Variants in GRB10 observed in about 807,000 individuals in gnomAD.
The protein encoded by GRB10 is growth factor receptor bound protein 10.
In GRB10, 20 loss-of-function variants were observed where a neutral mutation model predicts 80.9. The ratio of observed to expected loss-of-function variants is 0.25; its 90% confidence interval spans 0.17 to 0.36. The LOEUF (loss-of-function observed/expected upper bound fraction) is 0.36, where lower values mean the gene tolerates loss of function less well. Among genes scored for constraint, GRB10 ranks in the 10% least tolerant of loss-of-function variants. The pLI, the probability that GRB10 is intolerant of heterozygous loss-of-function variation, is 1.00. For missense variants in GRB10, 548 were observed against 747.7 expected (o/e 0.73, Z 3.12); for synonymous variants, 291 against 291.5 (o/e 1.00, Z 0.02).
At chr7:50,764,157 T>TG (rs141268667) in intron 2 of GRB10, among the ~76,000 whole-genome samples, 15,120 of 152,280 alleles carry the variant, frequency 0.099, 2,526 homozygotes, top group African/African-American at 0.34. Flanking sequence ...CTTCCCCTGC[T>TG]GGTAGCCTCC....
chr7:50,747,591 T>G (rs1212843182), intron 3 of GRB10: 1 of 152,170 alleles, frequency 6.6e-6, no homozygotes, highest in African/African-American at 2.4e-5. Context: ...CGCTCACTGT[T>G]GAGGGCTCTG....
intron 5 of GRB10, among the ~76,000 whole-genome samples, chr7:50,698,628 A>G (rs1024565061): frequency 6.6e-6 from 1 of 151,986 alleles, no homozygotes; most frequent in African/African-American, 2.4e-5. Flanking sequence ...TCCTTATGGG[A>G]TATCTATTCT....
intron 7 of GRB10, among the ~76,000 whole-genome samples, chr7:50,652,578 G>C (rs1191411373): frequency 1.3e-5 from 2 of 152,142 alleles, no homozygotes; most frequent in African/African-American, 2.4e-5. Flanking sequence ...CAGAGAAAGA[G>C]ACAAGCCACA....
intron 4 of GRB10, among the ~76,000 whole-genome samples, chr7:50,706,521 G>T (rs906665435): frequency 4.6e-5 from 7 of 152,104 alleles, no homozygotes; most frequent in African/African-American, 1.7e-4. Context: ...GGAGGCAACC[G>T]CCTGTTTCAT....
intron 2 of GRB10, among the ~76,000 whole-genome samples, chr7:50,767,360 A>G (rs879301740): frequency 2.6e-5 from 4 of 152,222 alleles, no homozygotes; most frequent in Non-Finnish European, 5.9e-5. Flanking sequence ...GGACACCTTA[A>G]GAGTACACTT....
At chr7:50,750,413 C>T (rs1250951546) in intron 3 of GRB10, among the ~76,000 whole-genome samples, 1 of 152,138 alleles carries the variant, frequency 6.6e-6, no homozygotes. Flanking sequence ...TTTCCTGCAC[C>T]GTTTCTTGTC....
At chr7:50,729,704 T>C (rs190612990) in intron 4 of GRB10, among the ~76,000 whole-genome samples, 30 of 152,188 alleles carry the variant, frequency 2.0e-4, no homozygotes, top group Admixed American at 2.0e-3. Flanking sequence ...CAATGAGCTA[T>C]AGGACCCTAC....
intron 13 of GRB10, among the ~76,000 whole-genome samples, chr7:50,607,233 G>C (rs889867380): frequency 5.9e-5 from 9 of 152,222 alleles, no homozygotes; most frequent in Non-Finnish European, 1.2e-4. Context: ...ATGCAGTTCT[G>C]AGGTAATCCG....
intron 6 of GRB10, among the ~76,000 whole-genome samples, chr7:50,674,229 G>C (rs1286922905): frequency 2.6e-5 from 4 of 152,174 alleles, no homozygotes; most frequent in African/African-American, 9.7e-5. Flanking sequence ...GGTACTACTG[G>C]AATTGAACTG....
chr7:50,726,134 CT>C (rs1337692782), intron 4 of GRB10: 1 of 152,248 alleles, frequency 6.6e-6, no homozygotes, highest in Non-Finnish European at 1.5e-5. Flanking sequence ...TGGCTCACCC[CT>C]ATCTATAATC....
At chr7:50,751,896 C>G (rs375025996) in intron 3 of GRB10, among the ~76,000 whole-genome samples, 2 of 152,190 alleles carry the variant, frequency 1.3e-5, no homozygotes, top group African/African-American at 4.8e-5. Flanking sequence ...AGGGGAAATA[C>G]AGAGTTAGGT....
intron 4 of GRB10, among the ~76,000 whole-genome samples, chr7:50,719,856 G>GT (rs74497044): frequency 4.4e-4 from 65 of 147,472 alleles, no homozygotes; most frequent in South Asian, 8.6e-4. Flanking sequence ...CCTTTTATAG[G>GT]TTTTTTTTTT....
rs1261997987 is a variant in GRB10 at position 50,595,357 on chromosome 7, G to A, written c.1638+80C>T. On this transcript the variant is annotated intron_variant, in intron 18 of 18. Transcript: ENST00000401949. Reference sequence around the variant, plus strand: ...CTGTCTGATACTTACCGGTCTTGTCGGTTTATAACTTGAAAATTGCATTAA... The same window carrying A: ...CTGTCTGATACTTACCGGTCTTGTCAGTTTATAACTTGAAAATTGCATTAA... The A allele has an allele frequency of 5.7e-5, 47 of 819,526 alleles. 1 individual carries two copies. In the East Asian group the frequency reaches 9.8e-4, roughly 17 times the overall value. 50.8% of individuals were successfully genotyped at this position (819,526 alleles called of 1,614,324 possible). A position where few individuals can be genotyped will look rare whatever the true frequency, so the allele number is the denominator to read the frequency against.
rs1305513693 is a variant in GRB10 at position 50,775,174 on chromosome 7, C to CAAAAAAAAAA, written c.-217+5452_-217+5453insTTTTTTTTTT. 4.2e-5 allele frequency among the ~76,000 whole-genome samples: 3 copies of CAAAAAAAAAA among 71,450 alleles called. 1 individual carries two copies. The highest frequency in any genetic ancestry group is 8.2e-5 in the Non-Finnish European group (3 of 36,566). The allele number at this position is 71,450 out of a possible 152,430, so 46.9% of individuals were successfully genotyped here. A position where few individuals can be genotyped will look rare whatever the true frequency, so the allele number is the denominator to read the frequency against. On this transcript the variant is annotated intron_variant, in intron 2 of 18. Transcript: ENST00000401949. Reference sequence around the variant, plus strand: ...AGATCCTGTCTCCAAAAAAAAAAAACAAAAAAAAACAGTGGAACAGACAAA... The same window carrying CAAAAAAAAAA: ...AGATCCTGTCTCCAAAAAAAAAAAACAAAAAAAAAAAAAAAAAAACAGTGGAACAGACAAA...
intron 8 of GRB10, among the ~76,000 whole-genome samples, chr7:50,622,578 T>C (rs1365348917): frequency 6.6e-6 from 1 of 151,884 alleles, no homozygotes; most frequent in Non-Finnish European, 1.5e-5. Context: ...CTGTGTTCTC[T>C]GTGTAAGTTC....
intron 3 of GRB10, among the ~76,000 whole-genome samples, chr7:50,748,520 A>T (rs2073430543): frequency 6.6e-6 from 1 of 152,218 alleles, no homozygotes; most frequent in African/African-American, 2.4e-5. Context: ...ATGCGGAGAA[A>T]ATCAGGGTAC....
chr7:50,759,125 C>T (rs1407338328), intron 2 of GRB10, among the ~76,000 whole-genome samples: 2 of 145,830 alleles, frequency 1.4e-5, no homozygotes, highest in Admixed American at 7.0e-5. Flanking sequence ...CCCAGGAAGT[C>T]GAGGCTGCAG....
intron 3 of GRB10, among the ~76,000 whole-genome samples, chr7:50,744,629 CCT>C (rs1378829061): frequency 6.6e-6 from 1 of 152,098 alleles, no homozygotes; most frequent in Non-Finnish European, 1.5e-5. Flanking sequence ...GTATGGGTCC[CCT>C]GTGTTATTCA....
At chr7:50,712,605 C>T (rs1017573255) in intron 4 of GRB10, among the ~76,000 whole-genome samples, 14 of 152,210 alleles carry the variant, frequency 9.2e-5, no homozygotes, top group African/African-American at 2.9e-4. Context: ...TAAAATCATA[C>T]GGCCTAAAAA....
Sources: allele counts gnomAD v4.1 joint callset (sites outside exome capture counted in the v4.1 genomes callset), GRCh38; gene constraint gnomAD v4.1.1; transcripts MANE v1.5; gene names NCBI Gene and HGNC (gene_info 2026-07-23, HGNC 2026-07-21).